The following CAP1 variants were observed in gnomAD, a reference collection of about 807,000 sequenced individuals.
The protein encoded by CAP1 is cyclase associated actin cytoskeleton regulatory protein 1, also known as adenylyl cyclase-associated protein 1.
CAP1 carries 11 observed loss-of-function variants against 58.2 expected under a neutral mutation model. The observed-to-expected ratio is 0.19, with a 90% CI of 0.12 to 0.31. The LOEUF (loss-of-function observed/expected upper bound fraction) is 0.31, where lower values mean the gene tolerates loss of function less well. Ranked by LOEUF, CAP1 falls within the 10% of genes least tolerant of loss-of-function variation. The pLI, the probability that CAP1 is intolerant of heterozygous loss-of-function variation, is 1.00. For missense variants in CAP1, 423 were observed against 587.5 expected (o/e 0.72, Z 2.89); for synonymous variants, 183 against 213.8 (o/e 0.86, Z 1.26).
chr1:40,043,710 C>A (rs1027884736), intron 1 of CAP1, among the ~76,000 whole-genome samples: 4 of 151,960 alleles, frequency 2.6e-5, no homozygotes, highest in African/African-American at 9.7e-5. Context: ...AACACCATCA[C>A]TACTAAAAAT....
intron 1 of CAP1, among the ~76,000 whole-genome samples, chr1:40,046,984 G>T (rs907397197): frequency 4.6e-5 from 7 of 152,062 alleles, no homozygotes; most frequent in Non-Finnish European, 8.8e-5. Context: ...TATTGGCCAG[G>T]CTGGTCTCAA....
intron 1 of CAP1, among the ~76,000 whole-genome samples, chr1:40,053,589 A>G (rs1646478947): frequency 6.6e-6 from 1 of 152,036 alleles, no homozygotes; most frequent in South Asian, 2.1e-4. Flanking sequence ...CTGGGATTAC[A>G]GGCATGCACC....
At chr1:40,071,129 C>A in intron 12 of CAP1, 150 bp downstream of exon 12, 1 of 787,940 alleles carries the variant, frequency 1.3e-6, no homozygotes, top group East Asian at 2.6e-5. Flanking sequence ...GAGGTAGTCC[C>A]ATGTAGTGGA....
At chr1:40,061,627 G>A (rs1646855014) in intron 3 of CAP1, 108 bp from the exon 4 acceptor site, 1 of 857,234 alleles carries the variant, frequency 1.2e-6, no homozygotes, top group Non-Finnish European at 2.0e-6. Flanking sequence ...ATAACATGAA[G>A]TGCCTGGGTT....
chr1:40,072,514 C>A lies in CAP1; in HGVS notation c.*981C>A, dbSNP rs1364978943. On this transcript the variant is annotated 3_prime_UTR_variant, in exon 13 of 13. Transcript: ENST00000372805. ...TTTTTCCCTCTAGGACAAACACTTA[C>A]CAAAATATGCAACTTTTTTTTGGTG... is the stretch of plus-strand genomic sequence containing the variant. 1 of 157,614 alleles carries A rather than the reference C, an allele frequency of 6.3e-6. No individual in the cohort carries two copies. Among genetic ancestry groups the A allele is most frequent in the Non-Finnish European group, 1.4e-5 (1 of 71,724 alleles). 9.8% of individuals were successfully genotyped at this position (157,614 alleles called of 1,614,324 possible). A position where few individuals can be genotyped will look rare whatever the true frequency, so the allele number is the denominator to read the frequency against.
chr1:40,070,963 C>T lies in CAP1; in HGVS notation c.1328C>T (p.Thr443Ile), dbSNP rs1291971984. 1 of 1,612,034 alleles carries T rather than the reference C, an allele frequency of 6.2e-7. No homozygotes were observed. Among genetic ancestry groups the T allele is most frequent in the Non-Finnish European group, 8.5e-7 (1 of 1,179,264 alleles). The change falls in exon 12 of 13, where the codon ACA (threonine) becomes ATA (isoleucine). Residue 443 changes from threonine to isoleucine, a missense_variant. Thr to Ile is a moderately conservative substitution (Grantham distance 89, BLOSUM62 -1). Transcript: ENST00000372805. ...KSSEMNVLIP[T>I]EGGDFNEFPV... ...TCCGAGATGAATGTCCTCATTCCTA[C>T]AGAAGGCGGTGACTTTGTAAGTTTC...
chr1:40,045,784 C>T (rs1646067395), intron 1 of CAP1, among the ~76,000 whole-genome samples: 1 of 152,046 alleles, frequency 6.6e-6, no homozygotes, highest in Non-Finnish European at 1.5e-5. Flanking sequence ...TCGAACTCCT[C>T]AAGGGAACCA....
chr1:40,064,254 A>G lies in CAP1; in HGVS notation c.322A>G (p.Ile108Val), dbSNP rs771523959. ...ENKLSDLLAP[I>V]SEQIKEVITF... ...TAAGCTTTCCGATTTGTTGGCACCC[A>G]TCTCAGAGCAGATCAAAGAAGTGAT... Residue 108 changes from isoleucine (I) to valine (V), a missense_variant, in exon 5 of 13, where the codon ATC becomes GTC. Transcript: ENST00000372805. The G allele has an allele frequency of 1.9e-6, 3 of 1,614,070 alleles. No individual in the cohort carries two copies. The Admixed American group carries it at 5.0e-5, about 27-fold the overall frequency.
chr1:40,044,641 TTTTA>T (rs1304649214), intron 1 of CAP1, among the ~76,000 whole-genome samples: 6 of 152,254 alleles, frequency 3.9e-5, no homozygotes, highest in African/African-American at 1.4e-4. Context: ...TTATCTTAAT[TTTTA>T]TTAGATGATA....
chr1:40,042,082 G>T (rs1645861617), intron 1 of CAP1, among the ~76,000 whole-genome samples: 1 of 152,104 alleles, frequency 6.6e-6, no homozygotes, highest in Non-Finnish European at 1.5e-5. Flanking sequence ...TCGCCGTGAA[G>T]GCCAGGCTGC....
chr1:40,061,753 G>T lies in CAP1; in HGVS notation c.235G>T (p.Gly79Cys), dbSNP rs1169447541. 1.2e-6 allele frequency: 2 copies of T among 1,613,966 alleles called. No homozygotes were observed. The highest frequency in any genetic ancestry group is 1.7e-6 in the Non-Finnish European group (2 of 1,179,958). ...CTGGCAGGCGGAGATGGTCCACACA[G>T]GTTTGAAGTTGGAGCGAGCTCTGTT... ...VQKHAEMVHT[G>C]LKLERALLVT... The change falls in exon 4 of 13, where the codon GGT becomes TGT. Residue 79 changes from glycine to cysteine, a missense_variant. Coordinates refer to ENST00000372805, the MANE Select transcript of CAP1 (RefSeq NM_006367.4).
chr1:40,046,494 CA>C (rs1646112718), intron 1 of CAP1, among the ~76,000 whole-genome samples: 4 of 151,718 alleles, frequency 2.6e-5, no homozygotes, highest in African/African-American at 9.7e-5. Flanking sequence ...AAAAAACAAA[CA>C]AACACTAAAG....
Position 40,070,199 on chromosome 1 carries a change from CAG to C in CAP1, c.1037_1038del (p.Glu346AlafsTer22). On this transcript the variant is annotated frameshift_variant, in exon 10 of 13. Coordinates refer to ENST00000372805, the MANE Select transcript of CAP1 (RefSeq NM_006367.4). LOFTEE classifies it high-confidence loss of function. ...GTTTCCAACCTGGTGATTGAGGACACAGAGCTGAAACAGGTGGCTTACATATA... is the reference window on the plus strand; with the variant it reads ...GTTTCCAACCTGGTGATTGAGGACACAGCTGAAACAGGTGGCTTACATATA... 6.2e-7 allele frequency: 1 copy of C among 1,614,186 alleles called. No individual in the cohort carries two copies. Among genetic ancestry groups the C allele is most frequent in the Non-Finnish European group, 8.5e-7 (1 of 1,180,014 alleles).
chr1:40,054,067 A>G (rs1293866558), intron 1 of CAP1, among the ~76,000 whole-genome samples: 1 of 152,182 alleles, frequency 6.6e-6, no homozygotes, highest in East Asian at 1.9e-4. Context: ...AAATTAAAAC[A>G]AAACAAAACA....
chr1:40,059,261 A>T, intron 1 of CAP1, 76 bp from the exon 2 acceptor site: 2 of 814,312 alleles, frequency 2.5e-6, no homozygotes. Context: ...GGGGATGACC[A>T]GGAATTTTCT....
At chr1:40,071,092 T>A (rs1268964269) in intron 12 of CAP1, 113 bp downstream of exon 12, 6 of 954,970 alleles carry the variant, frequency 6.3e-6, no homozygotes, top group Non-Finnish European at 9.4e-6. Context: ...AAAAACCCAA[T>A]AATGCACACC....
chr1:40,054,099 A>C (rs960468226), intron 1 of CAP1, among the ~76,000 whole-genome samples: 1 of 150,750 alleles, frequency 6.6e-6, no homozygotes, highest in South Asian at 2.1e-4. Flanking sequence ...CATGGATTCG[A>C]TAGAGAAGAT....
chr1:40,070,058 G>C, intron 9 of CAP1, 101 bp from the exon 10 acceptor site: 1 of 1,541,526 alleles, frequency 6.5e-7, no homozygotes, highest in Non-Finnish European at 8.9e-7. Context: ...TGAGGGCAGA[G>C]TTCTGGCTTC....
At chr1:40,061,891 A>G (rs1194856874) in intron 4 of CAP1, 79 bp downstream of exon 4, 5 of 1,086,530 alleles carry the variant, frequency 4.6e-6, no homozygotes, top group East Asian at 4.7e-5. Context: ...CTATTATAAC[A>G]TTTTAAAATA....
Sources: allele counts gnomAD v4.1 joint callset (sites outside exome capture counted in the v4.1 genomes callset), GRCh38; gene constraint gnomAD v4.1.1; transcripts MANE v1.5; gene names NCBI Gene and HGNC (gene_info 2026-07-23, HGNC 2026-07-21).